Variants in TMEM100 observed in about 807,000 individuals in gnomAD.
TMEM100 encodes the protein transmembrane protein 100.
For missense variants in TMEM100, 137 were observed against 168.2 expected, an observed-to-expected ratio of 0.81 and a Z score of 1.02; for synonymous variants, 61 against 67.1, an observed-to-expected ratio of 0.91 and a Z score of 0.44.
chr17:55,721,159 A>G (rs1016794940), intron 1 of TMEM100, 24 bp from the exon 2 acceptor site: 4 of 1,452,248 alleles, frequency 2.8e-6, no homozygotes, highest in Middle Eastern at 2.2e-4. Context: ...AGGAGATGTC[A>G]GCTACATGTA....
At chr17:55,727,721 A>C (rs1279224417), upstream of TMEM100, 1 of 152,186 alleles carries the variant, frequency 6.6e-6, no homozygotes, top group Non-Finnish European at 1.5e-5. Flanking sequence ...AAGTGTCCTA[A>C]AAACGGATAA....
chr17:55,722,114 A>C (rs1161132417), intron 1 of TMEM100, among the ~76,000 whole-genome samples: 1 of 152,194 alleles, frequency 6.6e-6, no homozygotes, highest in Non-Finnish European at 1.5e-5. Context: ...TTCAGGACAA[A>C]GCTTGAGACT....
upstream of TMEM100, among the ~76,000 whole-genome samples, chr17:55,723,989 A>G (rs1296457321): frequency 3.9e-5 from 6 of 152,216 alleles, no homozygotes; most frequent in East Asian, 1.9e-4. Context: ...AGGAGAAAAG[A>G]TAATACTGGG....
rs770174759 is a variant in TMEM100, at chr17:55,720,670, G to A, written c.401C>T (p.Ala134Val). The A allele has an allele frequency of 6.2e-7, 1 of 1,601,890 alleles. No homozygotes were observed. Among genetic ancestry groups the A allele is most frequent in the South Asian group, 1.1e-5 (1 of 88,850 alleles). The change falls in exon 2 of 2, where the codon GCT becomes GTT. Residue 134 changes from alanine to valine, a missense_variant. By Grantham distance (64) the Ala-to-Val change is moderately conservative. Transcript: ENST00000424486. ...CCCATTTGGTCGTATTCAGTCTCAA[G>A]CAAACAAGCTTCTCTGATTTGCCAC... ...ALVANQRSLF[A>V]
rs373661057 is a variant in TMEM100, at chr17:55,729,337, T to G, written c.-358-1355A>C. On this transcript the variant is annotated intron_variant, in intron 1 of 3. Transcript: ENST00000575734. ...AGCAATGAATTTCAAGTGGGGAAAG[T>G]TATCAAGGGAGAGGAGTTTGTAAGG... Among the ~76,000 whole-genome samples the G allele has an allele frequency of 9.2e-5, 14 of 152,272 alleles. 2 individuals carry two copies. The highest frequency in any genetic ancestry group is 6.5e-4 in the Admixed American group (10 of 15,302).
upstream of TMEM100, among the ~76,000 whole-genome samples, chr17:55,725,314 G>A (rs1909034013): frequency 6.6e-6 from 1 of 152,104 alleles, no homozygotes; most frequent in African/African-American, 2.4e-5. Flanking sequence ...TTTTCACAAA[G>A]AAGAGGAAAT....
At chr17:55,721,394 A>G (rs561722925) in intron 1 of TMEM100, 159 of 245,866 alleles carry the variant, frequency 6.5e-4, no homozygotes, top group Non-Finnish European at 8.6e-4. Flanking sequence ...CAAAAGTTTT[A>G]CAAGCTTTTC....
At chr17:55,726,684 T>C (rs1050567863), upstream of TMEM100, among the ~76,000 whole-genome samples, 3 of 152,146 alleles carry the variant, frequency 2.0e-5, no homozygotes, top group African/African-American at 7.2e-5. Context: ...CCCAGTCCAA[T>C]TGGATGCAGG....
upstream of TMEM100, among the ~76,000 whole-genome samples, chr17:55,724,495 C>T (rs958293484): frequency 2.6e-5 from 4 of 152,122 alleles, no homozygotes; most frequent in Admixed American, 6.5e-5. Context: ...TACTTAGAAC[C>T]AGGGCATTTC....
upstream of TMEM100, among the ~76,000 whole-genome samples, chr17:55,725,699 ATATGTGTGTGTGTGTGTG>A (rs1355016641): frequency 2.5e-4 from 22 of 88,536 alleles, no homozygotes; most frequent in African/African-American, 8.3e-4. Flanking sequence ...TAACCCATAT[ATATGTGTGTGTGTGTGTG>A]TGTGTGTGTG....
chr17:55,725,247 C>G (rs916360819), upstream of TMEM100, among the ~76,000 whole-genome samples: 1 of 152,104 alleles, frequency 6.6e-6, no homozygotes, highest in Non-Finnish European at 1.5e-5. Flanking sequence ...GGACACCTGC[C>G]CCCAAATGCA....
chr17:55,724,827 C>G (rs3760280), upstream of TMEM100, among the ~76,000 whole-genome samples: 1 of 152,224 alleles, frequency 6.6e-6, no homozygotes, highest in South Asian at 2.1e-4. Context: ...TATAATGAGG[C>G]GCAGTGAGTG....
chr17:55,727,173 G>A (rs1909093517), upstream of TMEM100, among the ~76,000 whole-genome samples: 2 of 152,180 alleles, frequency 1.3e-5, no homozygotes, highest in Non-Finnish European at 2.9e-5. Context: ...GGCCTCAGAT[G>A]AGAAGAATTG....
At chr17:55,724,611 A>C (rs772516905), upstream of TMEM100, among the ~76,000 whole-genome samples, 2 of 152,330 alleles carry the variant, frequency 1.3e-5, no homozygotes, top group Middle Eastern at 3.4e-3. Context: ...TCTCACCTGC[A>C]AACTCTGGCC....
intron 1 of TMEM100, among the ~76,000 whole-genome samples, chr17:55,731,373 T>G (rs1277101644): frequency 6.6e-6 from 1 of 152,190 alleles, no homozygotes; most frequent in Non-Finnish European, 1.5e-5. Flanking sequence ...GCAATTAAAA[T>G]TAGCCATTAA....
At chr17:55,725,318 A>C (rs1285902780), upstream of TMEM100, among the ~76,000 whole-genome samples, 2 of 152,206 alleles carry the variant, frequency 1.3e-5, no homozygotes, top group African/African-American at 4.8e-5. Flanking sequence ...CACAAAGAAG[A>C]GGAAATCTCT....
chr17:55,720,546 C>CCATAAT lies in TMEM100; in HGVS notation c.*119_*120insATTATG. The CCATAAT allele has an allele frequency of 8.6e-7, 1 of 1,164,974 alleles. No homozygotes were observed. The highest frequency in any genetic ancestry group is 1.2e-6 in the Non-Finnish European group (1 of 832,368). The allele number at this position is 1,164,974 out of a possible 1,614,324, so 72.2% of individuals were successfully genotyped here. A position where few individuals can be genotyped will look rare whatever the true frequency, so the allele number is the denominator to read the frequency against. ...AGAAGCCCCTCCACCCTCCCACCCCCATTCTTCCAGTCTGCTCCAACGCCA... is the reference window on the plus strand; with the variant it reads ...AGAAGCCCCTCCACCCTCCCACCCCCCATAATATTCTTCCAGTCTGCTCCAACGCCA... On this transcript the variant is annotated 3_prime_UTR_variant, in exon 2 of 2. Transcript: ENST00000424486.
At chr17:55,731,648 C>T (rs1195495962) in intron 1 of TMEM100, 1 of 152,216 alleles carries the variant, frequency 6.6e-6, no homozygotes, top group African/African-American at 2.4e-5. Flanking sequence ...CCTGATGCAA[C>T]ATCTGTCAGC....
exon 1 of TMEM100, chr17:55,731,827 A>C (rs1186151641): frequency 6.6e-6 from 1 of 152,240 alleles, no homozygotes; most frequent in African/African-American, 2.4e-5. Flanking sequence ...CCCAAAGCCA[A>C]TGCAGTAAGG....
Sources: allele counts gnomAD v4.1 joint callset (sites outside exome capture counted in the v4.1 genomes callset), GRCh38; gene constraint gnomAD v4.1.1; transcripts MANE v1.5; gene names NCBI Gene and HGNC (gene_info 2026-07-23, HGNC 2026-07-21).